The following GALNT3 variants were observed in gnomAD, a reference collection of about 807,000 sequenced individuals.
GALNT3 encodes GalNAc transferase 3.
A neutral mutation model predicts 69.8 loss-of-function variants in GALNT3; 51 were observed. The observed-to-expected ratio is 0.73, with a 90% CI of 0.58 to 0.92. GALNT3 has a LOEUF of 0.92. GALNT3 is among the 40% of genes least tolerant of loss of function. The pLI is 0.00. For missense variants in GALNT3, 711 were observed against 760.0 expected (o/e 0.94, Z 0.76); for synonymous variants, 265 against 248.5 (o/e 1.07, Z -0.63).
At chr2:165,758,464 T>C (rs1283724659) in intron 6 of GALNT3, among the ~76,000 whole-genome samples, 1 of 152,228 alleles carries the variant, frequency 6.6e-6, no homozygotes, top group Non-Finnish European at 1.5e-5. Context: ...GATTTAATTA[T>C]ATTTATCTTG....
At chr2:165,771,441 T>C (rs1042188251) in intron 1 of GALNT3, 17 of 152,232 alleles carry the variant, frequency 1.1e-4, no homozygotes, top group Non-Finnish European at 2.9e-5. Context: ...CTAGTTTTAA[T>C]AGCTCACAGA....
At chr2:165,787,335 G>T (rs1683244224) in intron 1 of GALNT3, among the ~76,000 whole-genome samples, 1 of 152,268 alleles carries the variant, frequency 6.6e-6, no homozygotes, top group Admixed American at 6.5e-5. Flanking sequence ...GATTGGTGGA[G>T]CTGGAGCAAT....
intron 1 of GALNT3, among the ~76,000 whole-genome samples, chr2:165,779,693 A>C (rs2105224211): frequency 6.6e-6 from 1 of 152,348 alleles, no homozygotes; most frequent in Admixed American, 6.5e-5. Flanking sequence ...TATACAAAAA[A>C]AACCTAGATA....
In GALNT3 at chr2:165,749,840, A is replaced by ATAAT. The variant is rs1405422971; in HGVS notation, c.1677_1680dup (p.Cys561IlefsTer71). ...ACGAGACCTTGAGCAGCATGAAGAC[A>ATAAT]TAATTCCTTCTGGATGTTGTGCCGA... is the stretch of plus-strand genomic sequence containing the variant. On this transcript the variant is annotated frameshift_variant, in exon 10 of 11. Transcript: ENST00000392701. LOFTEE classifies it high-confidence loss of function. The ATAAT allele has an allele frequency of 3.1e-6, 5 of 1,613,626 alleles. No homozygotes were observed. The highest frequency in any genetic ancestry group is 1.7e-5 in the Admixed American group (1 of 59,970).
At chr2:165,784,026 G>C (rs780910558) in intron 1 of GALNT3, among the ~76,000 whole-genome samples, 3 of 152,126 alleles carry the variant, frequency 2.0e-5, no homozygotes, top group African/African-American at 7.2e-5. Flanking sequence ...CACAAGAAAA[G>C]CTCCTTTAAT....
intron 1 of GALNT3, among the ~76,000 whole-genome samples, chr2:165,778,006 C>G (rs757849224): frequency 6.6e-6 from 1 of 152,216 alleles, no homozygotes; most frequent in Non-Finnish European, 1.5e-5. Flanking sequence ...TCAGCTACCC[C>G]TGGTCAGGTA....
chr2:165,793,618 A>C (rs963202929), intron 1 of GALNT3: 1 of 152,314 alleles, frequency 6.6e-6, no homozygotes, highest in African/African-American at 2.4e-5. Context: ...TGGAGGAGAC[A>C]GGCAACCTGC....
chr2:165,762,423 CAA>C (rs1688568529), intron 3 of GALNT3, among the ~76,000 whole-genome samples: 1 of 152,090 alleles, frequency 6.6e-6, no homozygotes, highest in East Asian at 1.9e-4. Context: ...GGAATTTGGC[CAA>C]AAAGATATTC....
At chr2:165,765,124 T>G in intron 2 of GALNT3, 68 bp from the exon 3 acceptor site, 1 of 1,259,030 alleles carries the variant, frequency 7.9e-7, no homozygotes, top group Non-Finnish European at 1.1e-6. Context: ...GCTATACCAT[T>G]GCTAACATTA....
At chr2:165,758,218 C>G (rs1229291196) in intron 6 of GALNT3, among the ~76,000 whole-genome samples, 1 of 152,062 alleles carries the variant, frequency 6.6e-6, no homozygotes, top group Non-Finnish European at 1.5e-5. Context: ...TACATTCCAG[C>G]CTAAGAGATG....
chr2:165,771,953 TA>T (rs1688760611), intron 1 of GALNT3, among the ~76,000 whole-genome samples: 1 of 152,224 alleles, frequency 6.6e-6, no homozygotes, highest in African/African-American at 2.4e-5. Context: ...TGGAGTGCTC[TA>T]TATTCTTTTC....
chr2:165,768,326 T>C (rs1490270033), intron 2 of GALNT3, among the ~76,000 whole-genome samples: 1 of 152,216 alleles, frequency 6.6e-6, no homozygotes, highest in Non-Finnish European at 1.5e-5. Flanking sequence ...AGAAAAAAGC[T>C]CATTTTGAGC....
intron 9 of GALNT3, among the ~76,000 whole-genome samples, chr2:165,753,073 C>T (rs1454458291): frequency 6.6e-6 from 1 of 152,102 alleles, no homozygotes; most frequent in African/African-American, 2.4e-5. Context: ...TATCATCTGC[C>T]CTCAGTAGAT....
At chr2:165,752,361 G>T (rs1348943829) in intron 9 of GALNT3, among the ~76,000 whole-genome samples, 1 of 152,052 alleles carries the variant, frequency 6.6e-6, no homozygotes, top group Admixed American at 6.6e-5. Context: ...TCCCTTACCT[G>T]CTATATTTTT....
intron 1 of GALNT3, among the ~76,000 whole-genome samples, chr2:165,773,177 C>T (rs1006120120): frequency 2.6e-5 from 4 of 152,126 alleles, no homozygotes; most frequent in African/African-American, 9.7e-5. Context: ...TAATAATCCC[C>T]ATGTGTCAAG....
At chr2:165,791,898 G>A (rs1683361057) in intron 1 of GALNT3, among the ~76,000 whole-genome samples, 1 of 152,178 alleles carries the variant, frequency 6.6e-6, no homozygotes, top group South Asian at 2.1e-4. Context: ...AAGTAGAAAT[G>A]AGGGTAAATC....
At position 165,762,003 on chromosome 2, in the gene GALNT3, T is replaced by G. The variant is rs1558997901; in HGVS notation, c.740A>C (p.Lys247Thr). 5.0e-6 allele frequency: 8 copies of G among 1,605,828 alleles called. No individual in the cohort carries two copies. Among genetic ancestry groups the G allele is most frequent in the Non-Finnish European group, 6.8e-6 (8 of 1,172,670 alleles). The change falls in exon 4 of 11, where the codon AAA becomes ACA. Residue 247 changes from lysine (K) to threonine (T), a missense_variant. Coordinates refer to ENST00000392701, the MANE Select transcript of GALNT3 (RefSeq NM_004482.4). ...TTTTCTTTCTCTTTGTCTGACTATT[T>G]TTACTATAGAAAATTGTTTTACATA... is the stretch of plus-strand genomic sequence containing the variant. ...DEYVKQFSIVKIVRQRERKGL... is the reference protein window; with the variant it reads ...DEYVKQFSIVTIVRQRERKGL...
chr2:165,781,183 C>T (rs995392731), intron 1 of GALNT3, among the ~76,000 whole-genome samples: 1 of 152,124 alleles, frequency 6.6e-6, no homozygotes, highest in Non-Finnish European at 1.5e-5. Context: ...GCCTGTACTG[C>T]TGGGCTTGCT....
intron 1 of GALNT3, among the ~76,000 whole-genome samples, chr2:165,787,927 G>A (rs1262801300): frequency 6.6e-6 from 1 of 152,096 alleles, no homozygotes; most frequent in African/African-American, 2.4e-5. Flanking sequence ...AAATAAAATA[G>A]AATTCAAAGT....
Sources: gnomAD v4.1 joint callset for allele counts (sites outside exome capture counted in the v4.1 genomes callset) on GRCh38, gnomAD v4.1.1 for gene constraint, MANE v1.5 for transcripts, NCBI Gene and HGNC (gene_info 2026-07-23, HGNC 2026-07-21) for gene names.